The following HHAT variants were observed in gnomAD, a reference collection of about 807,000 sequenced individuals.
The protein encoded by HHAT is protein-cysteine N-palmitoyltransferase HHAT.
HHAT carries 47 observed loss-of-function variants against 70.8 expected under a neutral mutation model. The ratio of observed to expected loss-of-function variants is 0.66; its 90% confidence interval spans 0.53 to 0.85. The LOEUF (loss-of-function observed/expected upper bound fraction) is 0.85, where lower values mean the gene tolerates loss of function less well. Ranked by LOEUF, HHAT falls within the 40% of genes least tolerant of loss-of-function variation. HHAT has a pLI of 0.00. For synonymous variants in HHAT, 228 were observed against 247.6 expected, an observed-to-expected ratio of 0.92 and a Z score of 0.74; for missense variants, 609 against 604.8, an observed-to-expected ratio of 1.01 and a Z score of -0.07.
chr1:210,539,096 AAG>A (rs1168742325), intron 9 of HHAT, among the ~76,000 whole-genome samples: 2 of 152,144 alleles, frequency 1.3e-5, no homozygotes, highest in South Asian at 2.1e-4. Context: ...AAATCACAGA[AAG>A]AGAGCCATGT....
intron 9 of HHAT, among the ~76,000 whole-genome samples, chr1:210,577,650 T>A (rs1467156234): frequency 2.4e-5 from 3 of 124,960 alleles, no homozygotes; most frequent in Non-Finnish European, 4.9e-5. Flanking sequence ...TTTTTTTTTT[T>A]TTTTTTTTTT....
chr1:210,653,917 C>CAGTGGAATAATGTGAA (rs1675726808), intron 11 of HHAT, among the ~76,000 whole-genome samples: 1 of 2,554 alleles, frequency 3.9e-4, no homozygotes, highest in Non-Finnish European at 1.2e-3. Flanking sequence ...AATAGTGTGA[C>CAGTGGAATAATGTGAA]AGTGGAATAC....
At chr1:210,406,904 C>CCTCT (rs1261555466) in intron 6 of HHAT, among the ~76,000 whole-genome samples, 3 of 151,994 alleles carry the variant, frequency 2.0e-5, no homozygotes, top group African/African-American at 4.8e-5. Flanking sequence ...CTTTTCCTTC[C>CCTCT]CTCTCTCTCT....
intron 2 of HHAT, among the ~76,000 whole-genome samples, chr1:210,357,761 G>A (rs1055101239): frequency 2.0e-5 from 3 of 152,200 alleles, no homozygotes; most frequent in African/African-American, 4.8e-5. Context: ...TGGAGCTTGC[G>A]GTGAGCCGAG....
chr1:210,443,337 T>G (rs535707283), intron 7 of HHAT, among the ~76,000 whole-genome samples: 35 of 151,840 alleles, frequency 2.3e-4, no homozygotes, highest in Admixed American at 2.0e-3. Context: ...GGCTCTTTTT[T>G]GGTTCCTTAT....
At chr1:210,501,011 C>G (rs553196934) in intron 8 of HHAT, among the ~76,000 whole-genome samples, 54 of 152,350 alleles carry the variant, frequency 3.5e-4, no homozygotes, top group Non-Finnish European at 6.6e-4. Flanking sequence ...CTGCCCTCCC[C>G]CATGCTGGTA....
chr1:210,654,985 G>C (rs1676078515), intron 11 of HHAT, among the ~76,000 whole-genome samples: 1 of 152,180 alleles, frequency 6.6e-6, no homozygotes, highest in Non-Finnish European at 1.5e-5. Context: ...AGAGGAATCA[G>C]AGAAAGCCCA....
intron 7 of HHAT, among the ~76,000 whole-genome samples, chr1:210,463,665 A>G (rs1000252351): frequency 1.3e-5 from 2 of 152,158 alleles, no homozygotes; most frequent in Non-Finnish European, 2.9e-5. Flanking sequence ...TCTCTTGGTT[A>G]TATGACAAGG....
At chr1:210,422,439 A>C (rs11119489) in intron 7 of HHAT, among the ~76,000 whole-genome samples, 71,344 of 151,824 alleles carry the variant, frequency 0.47, 16,804 homozygotes, top group Admixed American at 0.54. Flanking sequence ...CTAGTATTTT[A>C]TCTTCTGTTT....
At chr1:210,617,409 G>C (rs1250170705) in intron 10 of HHAT, among the ~76,000 whole-genome samples, 1 of 152,250 alleles carries the variant, frequency 6.6e-6, no homozygotes, top group Non-Finnish European at 1.5e-5. Context: ...AGGAAGGCTA[G>C]AGTATGACCA....
At chr1:210,615,823 C>T (rs886895498) in intron 10 of HHAT, among the ~76,000 whole-genome samples, 7 of 152,186 alleles carry the variant, frequency 4.6e-5, no homozygotes, top group Middle Eastern at 3.2e-3. Flanking sequence ...GGTACCTGGC[C>T]GTGTGAGGTG....
At chr1:210,494,187 T>C (rs1446648907) in intron 8 of HHAT, among the ~76,000 whole-genome samples, 1 of 152,194 alleles carries the variant, frequency 6.6e-6, no homozygotes, top group Non-Finnish European at 1.5e-5. Flanking sequence ...ACTTGGGCTG[T>C]TCCTCTGAGT....
intron 9 of HHAT, among the ~76,000 whole-genome samples, chr1:210,578,592 T>C (rs897760818): frequency 1.3e-5 from 2 of 152,166 alleles, no homozygotes; most frequent in South Asian, 2.1e-4. Context: ...GATACATGAA[T>C]TGATAAAGAA....
intron 9 of HHAT, among the ~76,000 whole-genome samples, chr1:210,572,723 G>C (rs1003677468): frequency 4.6e-5 from 7 of 151,940 alleles, no homozygotes; most frequent in Admixed American, 6.6e-5. Flanking sequence ...GTGAGACCTG[G>C]TCTCTAAAAT....
intron 2 of HHAT, among the ~76,000 whole-genome samples, chr1:210,351,368 C>T (rs903656847): frequency 2.6e-5 from 4 of 152,232 alleles, no homozygotes; most frequent in African/African-American, 9.6e-5. Context: ...AACACCCTCA[C>T]AGACACCTAG....
chr1:210,391,631 A>G (rs183361161), intron 4 of HHAT, among the ~76,000 whole-genome samples: 10 of 152,358 alleles, frequency 6.6e-5, no homozygotes, highest in African/African-American at 2.2e-4. Flanking sequence ...ATGATGAATA[A>G]ACATGAAAAA....
At chr1:210,595,127 C>T (rs1440691839) in intron 10 of HHAT, among the ~76,000 whole-genome samples, 3 of 152,126 alleles carry the variant, frequency 2.0e-5, no homozygotes, top group Non-Finnish European at 4.4e-5. Context: ...CCCCCCACCC[C>T]ACAACAGGCC....
upstream of HHAT, among the ~76,000 whole-genome samples, chr1:210,328,719 G>A (rs2084714688): frequency 6.6e-6 from 1 of 152,364 alleles, no homozygotes; most frequent in East Asian, 1.9e-4. Flanking sequence ...AGATATGCAC[G>A]CCAGGGTCAG....
At chr1:210,463,954 G>A (rs1247816392) in intron 7 of HHAT, among the ~76,000 whole-genome samples, 1 of 152,198 alleles carries the variant, frequency 6.6e-6, no homozygotes. Flanking sequence ...ACAGGCATAC[G>A]ATGCATAATA....
Sources: gnomAD v4.1 joint callset for allele counts (sites outside exome capture counted in the v4.1 genomes callset) on GRCh38, gnomAD v4.1.1 for gene constraint, MANE v1.5 for transcripts, NCBI Gene and HGNC (gene_info 2026-07-23, HGNC 2026-07-21) for gene names.